Variants in PLS3 observed in about 807,000 individuals in gnomAD.
PLS3 encodes the protein plastin-3.
Under a neutral mutation model 46.5 loss-of-function variants are expected in PLS3, and 11 were observed. The ratio of observed to expected loss-of-function variants is 0.24; its 90% CI spans 0.15 to 0.39. PLS3 has a LOEUF of 0.39. PLS3 is among the 10% of genes least tolerant of loss of function. The pLI is 1.00. For synonymous variants in PLS3, 167 were observed against 162.2 expected, an observed-to-expected ratio of 1.03 and a Z score of -0.22; for missense variants, 308 against 461.8, an observed-to-expected ratio of 0.67 and a Z score of 3.05.
chrX:115,612,767 G>A (rs2074559753), intron 2 of PLS3, among the ~76,000 whole-genome samples: 1 of 111,354 alleles, frequency 9.0e-6, no homozygotes, highest in African/African-American at 3.3e-5. Flanking sequence ...GCAATAAATT[G>A]AGTATTAGAA....
chrX:115,565,070 G>C (rs150531365), intron 1 of PLS3, among the ~76,000 whole-genome samples: 2 of 111,968 alleles, frequency 1.8e-5, no homozygotes, highest in Non-Finnish European at 3.8e-5. Flanking sequence ...ACATTACAAT[G>C]TTGGAAGATT....
At chrX:115,602,864 TAA>T (rs71824927) in intron 1 of PLS3, among the ~76,000 whole-genome samples, 112 of 100,759 alleles carry the variant, frequency 1.1e-3, no homozygotes, top group East Asian at 0.01. Context: ...CCTTTCAATT[TAA>T]AAAAAAAAAA....
At chrX:115,625,842 A>G (rs1448159347) in intron 3 of PLS3, among the ~76,000 whole-genome samples, 3 of 111,992 alleles carry the variant, frequency 2.7e-5, no homozygotes, top group African/African-American at 9.7e-5. Flanking sequence ...GGTCAAAAGA[A>G]GTTAGCCGGT....
At chrX:115,633,019 A>T (rs1369410782) in intron 5 of PLS3, among the ~76,000 whole-genome samples, 2 of 110,670 alleles carry the variant, frequency 1.8e-5, no homozygotes, top group Non-Finnish European at 3.8e-5. Flanking sequence ...TACAGGCGTG[A>T]GCCACACTGT....
chrX:115,586,623 G>A (rs2074310864), intron 1 of PLS3, among the ~76,000 whole-genome samples: 4 of 105,963 alleles, frequency 3.8e-5, no homozygotes, highest in Non-Finnish European at 5.8e-5. Context: ...AGGTTGCAGT[G>A]AGCCAAGATT....
At chrX:115,609,285 A>T (rs7056093) in intron 1 of PLS3, among the ~76,000 whole-genome samples, 2,323 of 110,905 alleles carry the variant, frequency 0.021, 65 homozygotes, top group African/African-American at 0.072. Context: ...GTTTTTCCAT[A>T]TAGGTTCAGA....
At chrX:115,587,652 G>A (rs186092408) in intron 1 of PLS3, among the ~76,000 whole-genome samples, 1,127 of 108,463 alleles carry the variant, frequency 0.01, 10 homozygotes, top group African/African-American at 0.035. Context: ...GGAGAATGGC[G>A]TGAACTAGGG....
chrX:115,635,970 G>T (rs782425138), intron 7 of PLS3, among the ~76,000 whole-genome samples: 9 of 109,916 alleles, frequency 8.2e-5, no homozygotes, highest in Non-Finnish European at 1.5e-4. Flanking sequence ...GCAGTGAGCC[G>T]AGATCACGCC....
In PLS3 at chrX:115,646,399, C is replaced by T. The variant is rs1556641704; in HGVS notation, c.1378-3C>T. On this transcript the variant is annotated splice_polypyrimidine_tract_variant and splice_region_variant and intron_variant, in intron 12 of 15. Coordinates refer to ENST00000355899, the MANE Select transcript of PLS3 (RefSeq NM_005032.7). ...TTAACCATTTACTCTTGTGCCTTTG[C>T]AGCTAGAAAACTGCAACTATGCTGT... The T allele has an allele frequency of 9.9e-6, 12 of 1,208,509 alleles. No individual in the cohort carries two copies. The highest frequency in any genetic ancestry group is 1.3e-5 in the Non-Finnish European group (12 of 893,232).
At chrX:115,588,466 C>T (rs2074324145) in intron 1 of PLS3, among the ~76,000 whole-genome samples, 1 of 112,129 alleles carries the variant, frequency 8.9e-6, no homozygotes, top group Non-Finnish European at 1.9e-5. Flanking sequence ...TGTCACTACA[C>T]TTTTTTTGAA....
intron 6 of PLS3, 36 bp from the exon 7 acceptor site, chrX:115,634,845 G>A (rs1556639928): frequency 1.7e-6 from 2 of 1,177,028 alleles, no homozygotes; most frequent in Non-Finnish European, 2.3e-6. Flanking sequence ...AAATGGAAAG[G>A]TCAAGAAGCA....
Position 115,622,397 on chromosome X carries a change from C to T in PLS3, c.225C>T (p.Asp75=), listed in dbSNP as rs113492800. ...ATAAAGATGGGAAAATAAGTTTTGACGAATTTGTTTATGTAAGTATGTGAA... is the reference window on the plus strand; with the variant it reads ...ATAAAGATGGGAAAATAAGTTTTGATGAATTTGTTTATGTAAGTATGTGAA... ...DRNKDGKISF[D]EFVYIFQEVK... The change falls in exon 3 of 16, where the codon GAC becomes GAT. Residue 75 remains aspartate, a synonymous_variant. Transcript: ENST00000355899. The T allele has an allele frequency of 1.9e-5, 22 of 1,171,412 alleles. No individual in the cohort carries two copies. In the African/African-American group the frequency reaches 2.3e-4, roughly 12 times the overall value.
intron 3 of PLS3, among the ~76,000 whole-genome samples, chrX:115,627,506 CGTT>C (rs201241768): frequency 0.016 from 1,774 of 111,084 alleles, 38 homozygotes; most frequent in African/African-American, 0.056. Flanking sequence ...AGAGCAGCTG[CGTT>C]GTTATCAAAA....
chrX:115,616,279 A>T (rs2074597861), intron 2 of PLS3, among the ~76,000 whole-genome samples: 1 of 112,151 alleles, frequency 8.9e-6, no homozygotes, highest in Admixed American at 9.5e-5. Flanking sequence ...TCTTTTTGAA[A>T]AACCTTGCCA....
chrX:115,610,211 T>A (rs782222891), intron 1 of PLS3, 32 bp from the exon 2 acceptor site: 2 of 786,085 alleles, frequency 2.5e-6, no homozygotes, highest in South Asian at 2.7e-5. Context: ...CACAATTTTT[T>A]AAAGTCTGAA....
chrX:115,572,544 A>G (rs188613547), intron 1 of PLS3, among the ~76,000 whole-genome samples: 5 of 111,309 alleles, frequency 4.5e-5, no homozygotes, highest in East Asian at 2.8e-4. Context: ...AACGTGCCCA[A>G]AGTTCTTAAG....
chrX:115,612,712 G>A (rs1404782040), intron 2 of PLS3, among the ~76,000 whole-genome samples: 2 of 111,297 alleles, frequency 1.8e-5, no homozygotes, highest in Admixed American at 9.6e-5. Flanking sequence ...GCTAATCATA[G>A]GTTTTGTTCA....
chrX:115,624,880 A>G (rs925245797), intron 3 of PLS3, among the ~76,000 whole-genome samples: 2 of 112,097 alleles, frequency 1.8e-5, no homozygotes, highest in African/African-American at 6.5e-5. Context: ...GAAAAGAAAC[A>G]AACTTGGATT....
chrX:115,584,086 C>T (rs986964136), intron 1 of PLS3, among the ~76,000 whole-genome samples: 1 of 111,867 alleles, frequency 8.9e-6, no homozygotes, highest in Non-Finnish European at 1.9e-5. Flanking sequence ...CAGGAATGAT[C>T]GTATCTTACA....
Sources: allele counts gnomAD v4.1 joint callset (sites outside exome capture counted in the v4.1 genomes callset), GRCh38; gene constraint gnomAD v4.1.1; transcripts MANE v1.5; gene names NCBI Gene and HGNC (gene_info 2026-07-23, HGNC 2026-07-21).